The following CLMP variants were observed in gnomAD, a reference collection of about 807,000 sequenced individuals.
CLMP encodes the protein CXADR like cell adhesion molecule.
CLMP carries 27 observed loss-of-function variants against 45.2 expected under a neutral mutation model. That is an observed-to-expected ratio of 0.60 (90% CI 0.44 to 0.82). The LOEUF is 0.82. CLMP is among the 40% of genes least tolerant of loss of function. The pLI is 0.00. For synonymous variants in CLMP, 167 were observed against 171.4 expected (o/e 0.97, Z 0.20); for missense variants, 403 against 448.4 (o/e 0.90, Z 0.91).
intron 1 of CLMP, among the ~76,000 whole-genome samples, chr11:123,183,112 G>C (rs1359656904): frequency 6.6e-6 from 1 of 152,094 alleles, no homozygotes; most frequent in African/African-American, 2.4e-5. Flanking sequence ...CCCTTCCATG[G>C]GGATCTTGCT....
intron 2 of CLMP, among the ~76,000 whole-genome samples, chr11:123,091,998 C>T (rs1264563819): frequency 6.6e-6 from 1 of 152,146 alleles, no homozygotes; most frequent in Non-Finnish European, 1.5e-5. Flanking sequence ...TGAATAGTGT[C>T]TTCTGATAGA....
At chr11:123,171,717 T>C (rs118084058) in intron 1 of CLMP, among the ~76,000 whole-genome samples, 2,656 of 152,176 alleles carry the variant, frequency 0.017, 114 homozygotes, top group Admixed American at 0.092. Context: ...GTGCTGGGAT[T>C]GCAGGCATGA....
chr11:123,100,707 G>A (rs1866046411), intron 1 of CLMP, among the ~76,000 whole-genome samples: 1 of 152,082 alleles, frequency 6.6e-6, no homozygotes, highest in Non-Finnish European at 1.5e-5. Context: ...TTTCTCTTGT[G>A]CCTCTAAATG....
Sources: allele counts gnomAD v4.1 joint callset (sites outside exome capture counted in the v4.1 genomes callset), GRCh38; gene constraint gnomAD v4.1.1; transcripts MANE v1.5; gene names NCBI Gene and HGNC (gene_info 2026-07-23, HGNC 2026-07-21).